ESRRB: variants seen among roughly 807,000 people sequenced by gnomAD.
The protein encoded by ESRRB is estrogen related receptor beta.
In ESRRB, 16 loss-of-function variants were observed where a neutral mutation model predicts 46.0. The observed-to-expected ratio is 0.35, with a 90% confidence interval of 0.24 to 0.53. ESRRB has a LOEUF of 0.53. Ranked by LOEUF, ESRRB falls within the 20% of genes least tolerant of loss-of-function variation. The probability of loss-of-function intolerance (pLI) is 0.93; values close to 1 mark genes in which losing one functional copy is unlikely to be tolerated. For missense variants in ESRRB, 488 were observed against 607.4 expected, an observed-to-expected ratio of 0.80 and a Z score of 2.07; for synonymous variants, 246 against 259.6, an observed-to-expected ratio of 0.95 and a Z score of 0.50.
Position 76,498,334 on chromosome 14 carries a change from T to TGCTGACACTGCCGCTGCTGCGGCAGACG in ESRRB, c.1244_1271dup (p.Ala425AspfsTer18). The TGCTGACACTGCCGCTGCTGCGGCAGACG allele has an allele frequency of 6.2e-7, 1 of 1,611,818 alleles. No individual in the cohort carries two copies. Among genetic ancestry groups the TGCTGACACTGCCGCTGCTGCGGCAGACG allele is most frequent in the South Asian group, 1.1e-5 (1 of 91,044 alleles). On this transcript the variant is annotated frameshift_variant, in exon 7 of 7. Transcript: ENST00000644823. LOFTEE classifies it high-confidence loss of function. ...GAGCCCTGGAGGACGGGCAAGCTGC[T>TGCTGACACTGCCGCTGCTGCGGCAGACG]GCTGACACTGCCGCTGCTGCGGCAG...
intron 5 of ESRRB, among the ~76,000 whole-genome samples, chr14:76,489,271 T>A (rs1334363292): frequency 6.6e-6 from 1 of 151,742 alleles, no homozygotes; most frequent in East Asian, 1.9e-4. Flanking sequence ...CAACACACTC[T>A]CCGGTGCTGG....
intron 1 of ESRRB, among the ~76,000 whole-genome samples, chr14:76,431,273 G>T (rs980245393): frequency 2.0e-5 from 3 of 152,144 alleles, no homozygotes; most frequent in Non-Finnish European, 4.4e-5. Flanking sequence ...CAGCCTGGAT[G>T]ACAGAACAAG....
chr14:76,414,668 TAAAAAAA>T (rs71452810), intron 1 of ESRRB, among the ~76,000 whole-genome samples: 8,432 of 116,942 alleles, frequency 0.072, 451 homozygotes, highest in Admixed American at 0.19. Context: ...GTTTGTTCCT[TAAAAAAA>T]AAAAAAAAAA....
intron 1 of ESRRB, among the ~76,000 whole-genome samples, chr14:76,385,308 C>A (rs1026132324): frequency 2.6e-5 from 4 of 151,910 alleles, no homozygotes; most frequent in African/African-American, 9.7e-5. Flanking sequence ...CCAAGGAATG[C>A]AAGCAAGACT....
intron 6 of ESRRB, among the ~76,000 whole-genome samples, chr14:76,493,688 A>G (rs1181098471): frequency 9.9e-5 from 15 of 152,216 alleles, no homozygotes. Context: ...AAAGTCCCAT[A>G]TCCCAGGAAA....
chr14:76,350,252 G>A (rs1217007288), intron 1 of ESRRB, among the ~76,000 whole-genome samples: 2 of 152,268 alleles, frequency 1.3e-5, no homozygotes, highest in Non-Finnish European at 2.9e-5. Context: ...AAGCATGTCC[G>A]CCCTCAAGCC....
chr14:76,470,012 A>G (rs984089754), intron 3 of ESRRB, among the ~76,000 whole-genome samples: 3 of 141,706 alleles, frequency 2.1e-5, no homozygotes, highest in Non-Finnish European at 4.5e-5. Flanking sequence ...CAATGGCACA[A>G]TCTTGGCTCA....
intron 1 of ESRRB, among the ~76,000 whole-genome samples, chr14:76,417,855 C>A (rs531751027): frequency 1.7e-4 from 26 of 151,914 alleles, no homozygotes; most frequent in Non-Finnish European, 3.2e-4. Flanking sequence ...ACTGGAGAAG[C>A]AGGTGCCTCG....
intron 1 of ESRRB, among the ~76,000 whole-genome samples, chr14:76,358,342 A>G (rs1464756444): frequency 3.2e-5 from 1 of 31,188 alleles, no homozygotes; most frequent in African/African-American, 1.7e-4. Context: ...AAAGAAAGAA[A>G]GAAAGAAAGA....
intron 1 of ESRRB, among the ~76,000 whole-genome samples, chr14:76,339,402 A>G (rs920690087): frequency 6.6e-6 from 1 of 152,216 alleles, no homozygotes; most frequent in African/African-American, 2.4e-5. Context: ...GGCCAGGCAC[A>G]TGGTCAGTGC....
intron 1 of ESRRB, among the ~76,000 whole-genome samples, chr14:76,397,290 G>C (rs1269302587): frequency 6.6e-5 from 10 of 152,160 alleles, no homozygotes; most frequent in Admixed American, 6.5e-4. Flanking sequence ...TTGTAGAGGT[G>C]ACCCAGGACC....
chr14:76,466,784 C>T (rs1436814044), intron 3 of ESRRB, among the ~76,000 whole-genome samples: 1 of 151,700 alleles, frequency 6.6e-6, no homozygotes, highest in Admixed American at 6.6e-5. Flanking sequence ...AGTGCAGTGG[C>T]GCGATCTAGG....
At chr14:76,320,261 G>T (rs1396572793) in intron 1 of ESRRB, among the ~76,000 whole-genome samples, 1 of 152,220 alleles carries the variant, frequency 6.6e-6, no homozygotes, top group Admixed American at 6.5e-5. Flanking sequence ...CTACCAAAGT[G>T]CTTACAGAAA....
chr14:76,490,812 G>A (rs534979186), intron 5 of ESRRB, among the ~76,000 whole-genome samples: 8 of 152,306 alleles, frequency 5.3e-5, no homozygotes, highest in Admixed American at 1.3e-4. Context: ...GAGGGGCTCC[G>A]ACCCTGGGAG....
chr14:76,466,512 C>G (rs1595146958), intron 3 of ESRRB, among the ~76,000 whole-genome samples: 1 of 152,204 alleles, frequency 6.6e-6, no homozygotes, highest in African/African-American at 2.4e-5. Flanking sequence ...GTCCCTGTGA[C>G]TTTCTCCCTG....
At chr14:76,329,866 G>T (rs933201599) in intron 1 of ESRRB, among the ~76,000 whole-genome samples, 4 of 151,868 alleles carry the variant, frequency 2.6e-5, no homozygotes, top group Admixed American at 2.0e-4. Context: ...AGCGGCTAGG[G>T]ATGTGCGGGG....
intron 1 of ESRRB, among the ~76,000 whole-genome samples, chr14:76,417,080 T>C (rs1886738024): frequency 6.6e-6 from 1 of 152,024 alleles, no homozygotes; most frequent in Non-Finnish European, 1.5e-5. Flanking sequence ...GAGGCTGCAG[T>C]GAGCTGAGAT....
At chr14:76,386,722 AATGACCATCTTTAACATTT>A (rs1333857325) in intron 1 of ESRRB, among the ~76,000 whole-genome samples, 1 of 151,988 alleles carries the variant, frequency 6.6e-6, no homozygotes, top group Non-Finnish European at 1.5e-5. Context: ...TCTGCCTCCA[AATGACCATCTTTAACATTT>A]TACCAATATG....
intron 1 of ESRRB, among the ~76,000 whole-genome samples, chr14:76,314,520 C>T (rs1883774504): frequency 6.6e-6 from 1 of 152,128 alleles, no homozygotes; most frequent in Non-Finnish European, 1.5e-5. Context: ...TGGTCATGCC[C>T]CTGGAGTGCC....
Sources: gnomAD v4.1 joint callset for allele counts (sites outside exome capture counted in the v4.1 genomes callset) on GRCh38, gnomAD v4.1.1 for gene constraint, MANE v1.5 for transcripts, NCBI Gene and HGNC (gene_info 2026-07-23, HGNC 2026-07-21) for gene names.